Variants in FARS2 observed in about 807,000 individuals in gnomAD.
FARS2 encodes the protein phenylalanine--tRNA ligase, mitochondrial.
In FARS2, 40 loss-of-function variants were observed where a neutral mutation model predicts 46.4. The observed-to-expected ratio is 0.86, with a 90% CI of 0.67 to 1.12. FARS2 has a LOEUF of 1.12. Among genes scored for constraint, FARS2 ranks in the 50% most tolerant of loss-of-function variants. The probability of loss-of-function intolerance (pLI) is 0.00; values close to 1 mark genes in which losing one functional copy is unlikely to be tolerated. For synonymous variants in FARS2, 234 were observed against 214.9 expected (o/e 1.09, Z -0.78); for missense variants, 513 against 567.9 (o/e 0.90, Z 0.98).
intron 5 of FARS2, among the ~76,000 whole-genome samples, chr6:5,591,021 AAAC>A (rs1434840892): frequency 6.7e-6 from 1 of 149,774 alleles, no homozygotes; most frequent in Admixed American, 6.6e-5. Context: ...CACATATAAA[AAAC>A]ACACAGATCA....
chr6:5,657,839 C>T (rs986260247), intron 6 of FARS2, among the ~76,000 whole-genome samples: 4 of 152,142 alleles, frequency 2.6e-5, no homozygotes, highest in Non-Finnish European at 5.9e-5. Context: ...AGTGGAGGCT[C>T]GCAGGCAGAT....
intron 6 of FARS2, among the ~76,000 whole-genome samples, chr6:5,660,717 A>C (rs1367688463): frequency 1.3e-5 from 2 of 151,958 alleles, no homozygotes; most frequent in Non-Finnish European, 2.9e-5. Context: ...CCAGGGAGAG[A>C]AGAGCATTAT....
At chr6:5,573,247 C>T (rs1051293445) in intron 5 of FARS2, among the ~76,000 whole-genome samples, 1 of 152,160 alleles carries the variant, frequency 6.6e-6, no homozygotes, top group Non-Finnish European at 1.5e-5. Context: ...ATAGCCATGA[C>T]TCTGTTCAAT....
chr6:5,368,801 C>A lies in FARS2; in HGVS notation c.231C>A (p.Asn77Lys), dbSNP rs777130213. 2 of 1,614,194 alleles carry A rather than the reference C, an allele frequency of 1.2e-6. No individual in the cohort carries two copies. The highest frequency in any genetic ancestry group is 1.1e-5 in the South Asian group (1 of 91,074). ...TRKVLTRVGR[N>K]LHNQQHHPLW... ...AGGTCCTCACCAGAGTTGGCAGGAA[C>A]CTGCACAACCAGCAGCATCACCCTC... is the stretch of plus-strand genomic sequence containing the variant. The change falls in exon 2 of 7, where the codon AAC becomes AAA. Residue 77 changes from asparagine to lysine, a missense_variant. Coordinates refer to ENST00000274680, the MANE Select transcript of FARS2 (RefSeq NM_006567.5).
intron 1 of FARS2, among the ~76,000 whole-genome samples, chr6:5,354,950 G>A (rs1421821071): frequency 6.6e-6 from 1 of 152,080 alleles, no homozygotes; most frequent in Non-Finnish European, 1.5e-5. Flanking sequence ...ATCTTCTCTG[G>A]TGATGTCAAT....
At chr6:5,334,814 T>C (rs1771044029) in intron 1 of FARS2, among the ~76,000 whole-genome samples, 1 of 152,180 alleles carries the variant, frequency 6.6e-6, no homozygotes, top group African/African-American at 2.4e-5. Context: ...TCACTTAATA[T>C]CAGGAAAACA....
chr6:5,376,140 A>G (rs887558195), intron 2 of FARS2, among the ~76,000 whole-genome samples: 2 of 152,106 alleles, frequency 1.3e-5, no homozygotes, highest in African/African-American at 4.8e-5. Flanking sequence ...TCTTCTGTCA[A>G]TCTTTCGACA....
intron 6 of FARS2, among the ~76,000 whole-genome samples, chr6:5,645,785 G>GTGAAA (rs1310059814): frequency 6.6e-6 from 1 of 152,182 alleles, no homozygotes; most frequent in Non-Finnish European, 1.5e-5. Context: ...ATTGGCATGG[G>GTGAAA]TGAAATATTA....
intron 5 of FARS2, among the ~76,000 whole-genome samples, chr6:5,560,534 T>C (rs1771925655): frequency 1.3e-5 from 2 of 152,160 alleles, no homozygotes; most frequent in Admixed American, 6.5e-5. Context: ...CCTGTGTTTG[T>C]TACGATCTTC....
chr6:5,621,055 T>C (rs979450444), intron 6 of FARS2, among the ~76,000 whole-genome samples: 3 of 152,238 alleles, frequency 2.0e-5, no homozygotes, highest in Non-Finnish European at 4.4e-5. Context: ...TCTTGTGCTG[T>C]GGAAAACATT....
intron 6 of FARS2, among the ~76,000 whole-genome samples, chr6:5,722,359 A>G: frequency 6.6e-6 from 1 of 152,358 alleles, no homozygotes; most frequent in East Asian, 1.9e-4. Flanking sequence ...ACAGTTTGAC[A>G]TAGACAAGAC....
chr6:5,393,315 A>C (rs1760691806), intron 2 of FARS2, among the ~76,000 whole-genome samples: 1 of 152,140 alleles, frequency 6.6e-6, no homozygotes, highest in African/African-American at 2.4e-5. Flanking sequence ...TGTCAGTGGC[A>C]GCAGTGGAGG....
At chr6:5,459,338 C>CT (rs1291004248) in intron 4 of FARS2, among the ~76,000 whole-genome samples, 4 of 151,884 alleles carry the variant, frequency 2.6e-5, no homozygotes, top group African/African-American at 4.8e-5. Flanking sequence ...TTGCTTCAAA[C>CT]TTTTTTTCCA....
chr6:5,353,660 A>G lies in FARS2; in HGVS notation c.-21-14890A>G, dbSNP rs145378180. Among the ~76,000 whole-genome samples, 591 of 133,892 alleles carry G rather than the reference A, an allele frequency of 4.4e-3. 2 individuals are homozygous for G. Among genetic ancestry groups the G allele is most frequent in the South Asian group, 0.015 (62 of 4,242 alleles). 87.8% of individuals were successfully genotyped at this position (133,892 alleles called of 152,430 possible). ...TTTATGATGTTGAACAGTTTTTCAT[A>G]TATCTGTTGGCCATTTGTATGTCTC... is the stretch of plus-strand genomic sequence containing the variant. On this transcript the variant is annotated intron_variant, in intron 1 of 6. Coordinates refer to ENST00000274680, the MANE Select transcript of FARS2 (RefSeq NM_006567.5).
At chr6:5,345,239 C>T (rs1757155342) in intron 1 of FARS2, among the ~76,000 whole-genome samples, 1 of 151,922 alleles carries the variant, frequency 6.6e-6, no homozygotes. Flanking sequence ...TATTATGCGT[C>T]TGTTCTTCCA....
intron 4 of FARS2, among the ~76,000 whole-genome samples, chr6:5,482,000 C>T (rs1354119279): frequency 6.6e-6 from 1 of 152,100 alleles, no homozygotes; most frequent in Non-Finnish European, 1.5e-5. Flanking sequence ...GAAGGTCGTA[C>T]CAGAGTGGGG....
chr6:5,659,213 G>A (rs1777736273), intron 6 of FARS2, among the ~76,000 whole-genome samples: 1 of 152,154 alleles, frequency 6.6e-6, no homozygotes, highest in South Asian at 2.1e-4. Flanking sequence ...TTAGAGCTGG[G>A]AAAAAGATCT....
intron 2 of FARS2, among the ~76,000 whole-genome samples, chr6:5,392,642 A>G (rs922204844): frequency 1.3e-5 from 2 of 151,680 alleles, no homozygotes; most frequent in African/African-American, 2.4e-5. Context: ...GCTTGAGCCT[A>G]GGATGACCAG....
chr6:5,632,952 C>A (rs1179146085), intron 6 of FARS2, among the ~76,000 whole-genome samples: 1 of 151,754 alleles, frequency 6.6e-6, no homozygotes, highest in African/African-American at 2.4e-5. Flanking sequence ...TTCCTTCCAT[C>A]CTTCCTTCCC....
Sources: gnomAD v4.1 joint callset for allele counts (sites outside exome capture counted in the v4.1 genomes callset) on GRCh38, gnomAD v4.1.1 for gene constraint, MANE v1.5 for transcripts, NCBI Gene and HGNC (gene_info 2026-07-23, HGNC 2026-07-21) for gene names.